RBM20: variants seen among roughly 807,000 people sequenced by gnomAD.
RBM20 encodes the protein RNA-binding protein 20.
RBM20 carries 51 observed loss-of-function variants against 110.1 expected under a neutral mutation model. The observed-to-expected ratio is 0.46, with a 90% confidence interval of 0.37 to 0.59. The LOEUF (loss-of-function observed/expected upper bound fraction) is 0.59. Among genes scored for constraint, RBM20 ranks in the 20% least tolerant of loss-of-function variants. The probability of loss-of-function intolerance (pLI) is 0.00; values close to 1 mark genes in which losing one functional copy is unlikely to be tolerated. For missense variants in RBM20, 1,512 were observed against 1,574.9 expected, an observed-to-expected ratio of 0.96 and a Z score of 0.68; for synonymous variants, 589 against 618.2, an observed-to-expected ratio of 0.95 and a Z score of 0.70.
chr10:110,823,676 C>T (rs764138568), intron 12 of RBM20, 62 bp downstream of exon 12: 1 of 1,512,930 alleles, frequency 6.6e-7, no homozygotes, highest in South Asian at 1.2e-5. Context: ...TCCATAGCAA[C>T]CTCAAGAGCT....
intron 1 of RBM20, among the ~76,000 whole-genome samples, chr10:110,660,921 G>A (rs1206211440): frequency 1.3e-5 from 2 of 151,986 alleles, no homozygotes; most frequent in Non-Finnish European, 2.9e-5. Context: ...GTTGGGGACC[G>A]CTGTTCTGAC....
chr10:110,735,749 AG>A (rs1843664072), intron 1 of RBM20, among the ~76,000 whole-genome samples: 1 of 152,228 alleles, frequency 6.6e-6, no homozygotes, highest in South Asian at 2.1e-4. Context: ...TATGCCTTCT[AG>A]TTAAGCATCG....
chr10:110,716,076 T>G (rs1863012053), intron 1 of RBM20, among the ~76,000 whole-genome samples: 1 of 152,256 alleles, frequency 6.6e-6, no homozygotes, highest in African/African-American at 2.4e-5. Context: ...AAGGGGATAA[T>G]GTAAGTGATG....
At chr10:110,714,034 G>A (rs1337144626) in intron 1 of RBM20, among the ~76,000 whole-genome samples, 1 of 152,164 alleles carries the variant, frequency 6.6e-6, no homozygotes, top group Non-Finnish European at 1.5e-5. Context: ...CTCCTGTGAG[G>A]ACCTGGCTAA....
At chr10:110,728,694 G>A (rs954273361) in intron 1 of RBM20, among the ~76,000 whole-genome samples, 1 of 152,150 alleles carries the variant, frequency 6.6e-6, no homozygotes, top group Non-Finnish European at 1.5e-5. Context: ...TCAGGCTCAC[G>A]TGTGCTTGTA....
chr10:110,669,724 G>A (rs996197558), intron 1 of RBM20, among the ~76,000 whole-genome samples: 3 of 152,234 alleles, frequency 2.0e-5, no homozygotes, highest in African/African-American at 7.2e-5. Flanking sequence ...ATCTGGCCTG[G>A]TTGTAGTACA....
rs1844401435 is a variant in RBM20, at chr10:110,784,883, G to A, written c.1521G>A (p.Gly507=). ...CCACATTTCCTTTGGCTTCTGTGGG[G>A]ACAACTGTGAGTACGGAAACATTTT... ...SSPTFPLASV[G]TTFAQRKGAG... is the part of the protein sequence containing the mutation. Residue 507 remains glycine, a synonymous_variant, in exon 5 of 14, where the codon GGG becomes GGA. Coordinates refer to ENST00000369519, the MANE Select transcript of RBM20 (RefSeq NM_001134363.3). 2.0e-6 allele frequency: 3 copies of A among 1,520,208 alleles called. No individual in the cohort carries two copies. The highest frequency in any genetic ancestry group is 2.8e-5 in the African/African-American group (2 of 72,274). 94.2% of individuals were successfully genotyped at this position (1,520,208 alleles called of 1,614,324 possible).
intron 1 of RBM20, among the ~76,000 whole-genome samples, chr10:110,679,838 G>C (rs561344616): frequency 3.3e-5 from 5 of 152,336 alleles, no homozygotes; most frequent in Admixed American, 3.3e-4. Context: ...GCACTTCCCA[G>C]CCAGGCAGAC....
chr10:110,801,962 C>G (rs149198634), intron 7 of RBM20, among the ~76,000 whole-genome samples: 1 of 152,244 alleles, frequency 6.6e-6, no homozygotes, highest in Non-Finnish European at 1.5e-5. Context: ...CTTTTCAGGT[C>G]ATCTGCCCAT....
intron 5 of RBM20, among the ~76,000 whole-genome samples, chr10:110,789,358 A>G (rs760866840): frequency 1.4e-5 from 2 of 147,456 alleles, no homozygotes; most frequent in Non-Finnish European, 3.0e-5. Context: ...AACTTCTCCC[A>G]CCTGTGTTGG....
chr10:110,823,455 T>TC lies in RBM20; in HGVS notation c.3317-25_3317-24insC. ...TCTTTTTTTTTTTTTTTTTTTTTTT[T>TC]TTTGCCTTGGTTCATGTTTTGCAGA... On this transcript the variant is annotated intron_variant, in intron 11 of 13. Coordinates refer to ENST00000369519, the MANE Select transcript of RBM20 (RefSeq NM_001134363.3). 13 of 871,532 alleles carry TC rather than the reference T, an allele frequency of 1.5e-5. No individual in the cohort carries two copies. In the South Asian group the frequency reaches 2.9e-4, roughly 19 times the overall value. The allele number at this position is 871,532 out of a possible 1,614,324, so 54.0% of individuals were successfully genotyped here.
intron 1 of RBM20, among the ~76,000 whole-genome samples, chr10:110,705,383 C>T (rs1202064011): frequency 6.6e-6 from 1 of 152,200 alleles, no homozygotes; most frequent in Admixed American, 6.5e-5. Flanking sequence ...AAATATTTCA[C>T]ATCTGAATTA....
chr10:110,810,520 G>T, intron 8 of RBM20, 58 bp downstream of exon 8: 17 of 1,250,412 alleles, frequency 1.4e-5, no homozygotes, highest in Non-Finnish European at 1.9e-5. Flanking sequence ...ACAGACTCCT[G>T]TTTCTCATTC....
intron 7 of RBM20, among the ~76,000 whole-genome samples, chr10:110,802,646 G>A (rs1385553214): frequency 1.3e-5 from 2 of 152,218 alleles, no homozygotes; most frequent in African/African-American, 2.4e-5. Flanking sequence ...GAGGGAGATA[G>A]TTTGGGGTGG....
At chr10:110,796,628 C>G (rs1003937032) in intron 5 of RBM20, among the ~76,000 whole-genome samples, 3 of 152,158 alleles carry the variant, frequency 2.0e-5, no homozygotes, top group African/African-American at 7.2e-5. Flanking sequence ...CTCAAGCCAT[C>G]AATAGTCCCA....
intron 1 of RBM20, among the ~76,000 whole-genome samples, chr10:110,745,911 C>T (rs1231058854): frequency 6.6e-6 from 1 of 152,190 alleles, no homozygotes; most frequent in Non-Finnish European, 1.5e-5. Flanking sequence ...AGCTTGTCCA[C>T]AGTACAGATT....
At position 110,781,117 on chromosome 10, in the gene RBM20, G is replaced by A; in HGVS notation, c.508G>A (p.Ala170Thr). Reference sequence around the variant, plus strand: ...TACCCGGTTTCCCTCTAATGCAATTGCCTTTTCACCCCCCAGCCAGACACG... The same window carrying A: ...TACCCGGTTTCCCTCTAATGCAATTACCTTTTCACCCCCCAGCCAGACACG... ...PSTRFPSNAI[A>T]FSPPSQTRGP... The change falls in exon 2 of 14, where the codon GCC becomes ACC. Residue 170 changes from alanine (A) to threonine (T), a missense_variant. Coordinates refer to ENST00000369519, the MANE Select transcript of RBM20 (RefSeq NM_001134363.3). 1 of 1,551,788 alleles carries A rather than the reference G, an allele frequency of 6.4e-7. No homozygotes were observed. The highest frequency in any genetic ancestry group is 8.7e-7 in the Non-Finnish European group (1 of 1,147,036).
At chr10:110,707,005 A>G (rs1489635260) in intron 1 of RBM20, among the ~76,000 whole-genome samples, 1 of 152,216 alleles carries the variant, frequency 6.6e-6, no homozygotes, top group Admixed American at 6.5e-5. Flanking sequence ...GGGAGGCTCT[A>G]GGATGGCTAC....
chr10:110,718,512 G>T (rs1203720030), intron 1 of RBM20, among the ~76,000 whole-genome samples: 4 of 144,132 alleles, frequency 2.8e-5, no homozygotes, highest in Admixed American at 2.7e-4. Flanking sequence ...TTATTTTTTA[G>T]CATATACTGT....
Sources: allele counts gnomAD v4.1 joint callset (sites outside exome capture counted in the v4.1 genomes callset), GRCh38; gene constraint gnomAD v4.1.1; transcripts MANE v1.5; gene names NCBI Gene and HGNC (gene_info 2026-07-23, HGNC 2026-07-21).